Variants in EYA1 observed in about 807,000 individuals in gnomAD.
The protein encoded by EYA1 is EYA transcriptional coactivator and phosphatase 1.
EYA1 carries 16 observed loss-of-function variants against 82.0 expected under a neutral mutation model. That is an observed-to-expected ratio of 0.20 (90% CI 0.13 to 0.30). The LOEUF (loss-of-function observed/expected upper bound fraction) is 0.30, where lower values mean the gene tolerates loss of function less well. Ranked by LOEUF, EYA1 falls within the 10% of genes least tolerant of loss-of-function variation. The probability of loss-of-function intolerance (pLI) is 1.00; values close to 1 mark genes in which losing one functional copy is unlikely to be tolerated. For missense variants in EYA1, 633 were observed against 730.7 expected (o/e 0.87, Z 1.54); for synonymous variants, 261 against 264.4 (o/e 0.99, Z 0.12).
chr8:71,439,401 T>G (rs1435974465), intron 2 of EYA1, among the ~76,000 whole-genome samples: 2 of 152,104 alleles, frequency 1.3e-5, no homozygotes, highest in Non-Finnish European at 2.9e-5. Context: ...GAAAGAAACT[T>G]AGGAGTTGCA....
At chr8:71,541,489 G>A (rs1815131918) in intron 1 of EYA1, among the ~76,000 whole-genome samples, 2 of 152,184 alleles carry the variant, frequency 1.3e-5, no homozygotes, top group South Asian at 2.1e-4. Context: ...ATGAACTGAT[G>A]CTAATTAGAA....
chr8:71,373,607 T>A (rs1247174951), intron 2 of EYA1, among the ~76,000 whole-genome samples: 1 of 152,112 alleles, frequency 6.6e-6, no homozygotes, highest in African/African-American at 2.4e-5. Context: ...AAAATTGTAA[T>A]GGCATTTTCT....
chr8:71,428,826 A>G (rs1812248717), intron 2 of EYA1, among the ~76,000 whole-genome samples: 1 of 152,190 alleles, frequency 6.6e-6, no homozygotes, highest in South Asian at 2.1e-4. Context: ...CCTTTGAAAA[A>G]TGCCAGGAGA....
At chr8:71,257,839 T>C (rs185721185) in intron 11 of EYA1, among the ~76,000 whole-genome samples, 1 of 152,304 alleles carries the variant, frequency 6.6e-6, no homozygotes, top group Admixed American at 6.5e-5. Flanking sequence ...CTAGAAACAT[T>C]TCATTTAAGG....
intron 7 of EYA1, among the ~76,000 whole-genome samples, chr8:71,302,175 C>T (rs1820270620): frequency 6.6e-6 from 1 of 152,084 alleles, no homozygotes; most frequent in Non-Finnish European, 1.5e-5. Context: ...TTAAACTATA[C>T]ATTTTTAGGT....
At chr8:71,424,547 C>G (rs1181557485) in intron 2 of EYA1, among the ~76,000 whole-genome samples, 1 of 152,168 alleles carries the variant, frequency 6.6e-6, no homozygotes, top group African/African-American at 2.4e-5. Flanking sequence ...GAAGCCCACT[C>G]ACATGAAAAA....
chr8:71,346,321 T>C (rs1825698819), intron 3 of EYA1, among the ~76,000 whole-genome samples: 1 of 151,458 alleles, frequency 6.6e-6, no homozygotes, highest in African/African-American at 2.4e-5. Flanking sequence ...AATCACTTAA[T>C]AAACAGCTCT....
intron 12 of EYA1, among the ~76,000 whole-genome samples, chr8:71,240,687 C>G (rs1033955796): frequency 9.2e-5 from 14 of 152,138 alleles, no homozygotes; most frequent in African/African-American, 3.4e-4. Flanking sequence ...CTTAACCAGA[C>G]AGAAGAAGAA....
intron 11 of EYA1, among the ~76,000 whole-genome samples, chr8:71,260,642 A>C (rs1209409563): frequency 6.6e-6 from 1 of 152,226 alleles, no homozygotes; most frequent in South Asian, 2.1e-4. Context: ...TCCTCAGGAT[A>C]TGCTACCTAC....
intron 2 of EYA1, among the ~76,000 whole-genome samples, chr8:71,456,320 T>G (rs1226690777): frequency 1.3e-5 from 2 of 152,142 alleles, no homozygotes; most frequent in Non-Finnish European, 2.9e-5. Context: ...ATCGTGAAAA[T>G]GGCCATACTG....
chr8:71,360,282 T>C (rs1223871922), intron 1 of EYA1, among the ~76,000 whole-genome samples: 1 of 152,218 alleles, frequency 6.6e-6, no homozygotes, highest in Non-Finnish European at 1.5e-5. Flanking sequence ...GTTTTCAATA[T>C]CAATTTACTT....
intron 2 of EYA1, among the ~76,000 whole-genome samples, chr8:71,377,986 T>C (rs1445221322): frequency 6.6e-6 from 1 of 152,182 alleles, no homozygotes; most frequent in Non-Finnish European, 1.5e-5. Flanking sequence ...TTTAGGGTTG[T>C]TCTTGACCTA....
chr8:71,469,518 T>C (rs956810780), intron 2 of EYA1, among the ~76,000 whole-genome samples: 16 of 152,136 alleles, frequency 1.1e-4, no homozygotes, highest in Non-Finnish European at 1.9e-4. Context: ...AATTAGTTCC[T>C]TCTATTGCCT....
intron 11 of EYA1, among the ~76,000 whole-genome samples, chr8:71,256,286 A>G (rs1327494713): frequency 1.3e-5 from 2 of 152,226 alleles, no homozygotes; most frequent in Admixed American, 6.5e-5. Context: ...TAAAACAGTC[A>G]TAGGTGGAAG....
At position 71,474,731 on chromosome 8, in the gene EYA1, T is replaced by C. The variant is rs914803261; in HGVS notation, c.33+61013A>G. ...GTCAAAGATATATAAAGATTATTTA[T>C]AATTAAAAGGAAAAAGAAAATCAAA... On this transcript the variant is annotated intron_variant, in intron 2 of 18. Coordinates refer to the EYA1 transcript ENST00000643681. Among the ~76,000 whole-genome samples the C allele has an allele frequency of 3.9e-5, 6 of 152,286 alleles. No homozygotes were observed. In the East Asian group the frequency reaches 5.8e-4, roughly 15 times the overall value.
chr8:71,385,250 T>C (rs746089615), intron 2 of EYA1, among the ~76,000 whole-genome samples: 2 of 152,138 alleles, frequency 1.3e-5, no homozygotes, highest in South Asian at 2.1e-4. Context: ...AGAATTATTA[T>C]GTAATTAAAA....
chr8:71,224,527 G>A (rs1810331801), intron 12 of EYA1, among the ~76,000 whole-genome samples: 2 of 152,156 alleles, frequency 1.3e-5, no homozygotes, highest in Non-Finnish European at 2.9e-5. Context: ...TTAGATACTT[G>A]CCTGATATTT....
chr8:71,486,494 C>T (rs1049423766), intron 2 of EYA1, among the ~76,000 whole-genome samples: 1 of 152,194 alleles, frequency 6.6e-6, no homozygotes, highest in Admixed American at 6.5e-5. Context: ...CCTGCCCAGT[C>T]GTGCCTCCTC....
chr8:71,412,893 T>G (rs993822495), intron 2 of EYA1, among the ~76,000 whole-genome samples: 1 of 152,172 alleles, frequency 6.6e-6, no homozygotes, highest in East Asian at 1.9e-4. Context: ...TTTCCATACC[T>G]CCACTGTCCT....
Sources: gnomAD v4.1 joint callset for allele counts (sites outside exome capture counted in the v4.1 genomes callset) on GRCh38, gnomAD v4.1.1 for gene constraint, MANE v1.5 for transcripts, NCBI Gene and HGNC (gene_info 2026-07-23, HGNC 2026-07-21) for gene names.